The following CCDC91 variants were observed in gnomAD, a reference collection of about 807,000 sequenced individuals.
The protein encoded by CCDC91 is coiled-coil domain containing 91, also known as coiled-coil domain-containing protein 91.
Under a neutral mutation model 63.2 loss-of-function variants are expected in CCDC91, and 48 were observed. That is an observed-to-expected ratio of 0.76 (90% CI 0.60 to 0.97). The LOEUF (loss-of-function observed/expected upper bound fraction) is 0.97. Among genes scored for constraint, CCDC91 ranks in the 50% least tolerant of loss-of-function variants. The probability of loss-of-function intolerance (pLI) is 0.00; values close to 1 mark genes in which losing one functional copy is unlikely to be tolerated. For missense variants in CCDC91, 500 were observed against 494.6 expected (o/e 1.01, Z -0.10); for synonymous variants, 167 against 165.8 (o/e 1.01, Z -0.06).
intron 6 of CCDC91, among the ~76,000 whole-genome samples, chr12:28,333,222 T>G (rs1211945989): frequency 6.6e-6 from 1 of 151,680 alleles, no homozygotes; most frequent in Non-Finnish European, 1.5e-5. Flanking sequence ...GGTGAAACCC[T>G]GTCTCTACTA....
At chr12:28,309,789 C>T (rs962569187) in intron 6 of CCDC91, among the ~76,000 whole-genome samples, 1 of 151,998 alleles carries the variant, frequency 6.6e-6, no homozygotes, top group Non-Finnish European at 1.5e-5. Context: ...ACTCTAGCTT[C>T]CTTCTGATAT....
chr12:28,268,052 A>T (rs1162132317), intron 3 of CCDC91, among the ~76,000 whole-genome samples: 1 of 139,788 alleles, frequency 7.2e-6, no homozygotes, highest in African/African-American at 2.7e-5. Context: ...AAAATTAAAA[A>T]TTAAAAATAA....
chr12:28,291,474 T>C (rs1949245965), intron 3 of CCDC91, among the ~76,000 whole-genome samples: 1 of 152,184 alleles, frequency 6.6e-6, no homozygotes, highest in East Asian at 1.9e-4. Flanking sequence ...CCAAGCATAC[T>C]TCTCAGATGT....
At chr12:28,418,182 T>G (rs558737563) in intron 8 of CCDC91, among the ~76,000 whole-genome samples, 1 of 152,244 alleles carries the variant, frequency 6.6e-6, no homozygotes, top group African/African-American at 2.4e-5. Flanking sequence ...TCACAAGCAA[T>G]GTATGTGTGT....
At chr12:28,211,298 T>C (rs1311914394) in intron 1 of CCDC91, among the ~76,000 whole-genome samples, 3 of 151,996 alleles carry the variant, frequency 2.0e-5, no homozygotes, top group African/African-American at 4.8e-5. Flanking sequence ...TGAGTGGCCC[T>C]AGTGACCTGG....
chr12:28,458,518 G>A (rs1950163567), intron 11 of CCDC91, among the ~76,000 whole-genome samples: 1 of 115,112 alleles, frequency 8.7e-6, no homozygotes. Context: ...CGCCCAGGCT[G>A]GATTGCAGGG....
chr12:28,261,651 CT>C (rs1946829638), intron 3 of CCDC91, among the ~76,000 whole-genome samples: 1 of 151,940 alleles, frequency 6.6e-6, no homozygotes, highest in Non-Finnish European at 1.5e-5. Flanking sequence ...TGAACAGAGT[CT>C]CTTTTCTTAT....
Position 28,216,466 on chromosome 12 carries a change from A to G in CCDC91, c.-15+25825A>G, listed in dbSNP as rs762047748. 5.5e-4 allele frequency among the ~76,000 whole-genome samples: 83 copies of G among 151,974 alleles called. 1 individual carries two copies. Among genetic ancestry groups the G allele is most frequent in the Non-Finnish European group, 1.1e-3 (72 of 67,902 alleles). On this transcript the variant is annotated intron_variant, in intron 1 of 12. Coordinates refer to ENST00000536442, the MANE Select transcript of CCDC91 (RefSeq NM_018318.5). ...CACAGAATTCAGTTATGCTACCGAG[A>G]AAGTTGTGCCATCTTTTTGGGAACT...
At chr12:28,496,813 G>T (rs1411404914) in intron 12 of CCDC91, among the ~76,000 whole-genome samples, 1 of 150,324 alleles carries the variant, frequency 6.7e-6, no homozygotes, top group African/African-American at 2.4e-5. Context: ...CAATACTTTG[G>T]ATAGATTAGG....
At chr12:28,367,726 T>C (rs1422556470) in intron 7 of CCDC91, among the ~76,000 whole-genome samples, 2 of 152,162 alleles carry the variant, frequency 1.3e-5, no homozygotes, top group African/African-American at 4.8e-5. Context: ...TCAGCTTGAC[T>C]GGGCAATGGT....
At chr12:28,405,271 C>T (rs1336768403) in intron 8 of CCDC91, among the ~76,000 whole-genome samples, 3 of 152,116 alleles carry the variant, frequency 2.0e-5, no homozygotes, top group African/African-American at 7.2e-5. Context: ...TGCCATTTCA[C>T]AGGTACTGTG....
intron 6 of CCDC91, among the ~76,000 whole-genome samples, chr12:28,338,077 A>G (rs1212297779): frequency 6.6e-6 from 1 of 152,166 alleles, no homozygotes; most frequent in Non-Finnish European, 1.5e-5. Context: ...ACATAGAGCA[A>G]ATAGATGAAT....
intron 1 of CCDC91, among the ~76,000 whole-genome samples, chr12:28,197,679 G>A (rs975120436): frequency 2.6e-5 from 4 of 151,940 alleles, no homozygotes; most frequent in African/African-American, 9.7e-5. Flanking sequence ...TAGGTATTTT[G>A]TATATATTAT....
At chr12:28,376,231 T>G (rs1287548303) in intron 7 of CCDC91, among the ~76,000 whole-genome samples, 1 of 151,890 alleles carries the variant, frequency 6.6e-6, no homozygotes, top group African/African-American at 2.4e-5. Flanking sequence ...GCCATTATTT[T>G]TCTAATTTTT....
chr12:28,491,757 C>T (rs1284774387), intron 12 of CCDC91, among the ~76,000 whole-genome samples: 2 of 151,616 alleles, frequency 1.3e-5, no homozygotes, highest in Admixed American at 1.3e-4. Context: ...TCTAGAATAT[C>T]TTGGCTCATA....
At chr12:28,533,735 C>T (rs1684893184) in intron 12 of CCDC91, among the ~76,000 whole-genome samples, 1 of 151,468 alleles carries the variant, frequency 6.6e-6, no homozygotes, top group Admixed American at 6.6e-5. Flanking sequence ...TCCTCTTCTC[C>T]CTTGCCTTTT....
At chr12:28,415,550 A>C (rs115150688) in intron 8 of CCDC91, among the ~76,000 whole-genome samples, 1,752 of 152,320 alleles carry the variant, frequency 0.012, 37 homozygotes, top group African/African-American at 0.041. Context: ...AGTAGTTAAA[A>C]GCAAGTCTTG....
In CCDC91 at chr12:28,318,361, G is replaced by GA. The variant is rs974749390; in HGVS notation, c.576+10623dup. Among the ~76,000 whole-genome samples, 74 of 141,882 alleles carry GA rather than the reference G, an allele frequency of 5.2e-4. 1 individual carries two copies. Among genetic ancestry groups the GA allele is most frequent in the East Asian group, 1.2e-3 (6 of 4,876 alleles). The allele number at this position is 141,882 out of a possible 152,430, so 93.1% of individuals were successfully genotyped here. On this transcript the variant is annotated intron_variant, in intron 6 of 12. Transcript: ENST00000536442. Reference sequence around the variant, plus strand: ...AACTTAGTGAGACCCCATTTCTCAAGAAAAAAAAAAAGAAACCAAAAAACG... The same window carrying GA: ...AACTTAGTGAGACCCCATTTCTCAAGAAAAAAAAAAAAGAAACCAAAAAACG...
At chr12:28,350,185 C>G (rs1943088217) in intron 6 of CCDC91, among the ~76,000 whole-genome samples, 1 of 152,076 alleles carries the variant, frequency 6.6e-6, no homozygotes, top group Non-Finnish European at 1.5e-5. Context: ...AACAGAAAAC[C>G]TATACTCTTT....
Sources: gnomAD v4.1 joint callset for allele counts (sites outside exome capture counted in the v4.1 genomes callset) on GRCh38, gnomAD v4.1.1 for gene constraint, MANE v1.5 for transcripts, NCBI Gene and HGNC (gene_info 2026-07-23, HGNC 2026-07-21) for gene names.